Variants in RYK observed in about 807,000 individuals in gnomAD.
The protein encoded by RYK is inactive tyrosine-protein kinase RYK.
Under a neutral mutation model 70.2 loss-of-function variants are expected in RYK, and 21 were observed. The observed-to-expected ratio is 0.30, with a 90% confidence interval of 0.21 to 0.43. RYK has a LOEUF of 0.43. Ranked by LOEUF, RYK falls within the 20% of genes least tolerant of loss-of-function variation. RYK has a pLI of 1.00. For synonymous variants in RYK, 267 were observed against 278.0 expected (o/e 0.96, Z 0.39); for missense variants, 604 against 753.3 (o/e 0.80, Z 2.32).
At chr3:134,246,484 C>T (rs955306948) in intron 1 of RYK, among the ~76,000 whole-genome samples, 4 of 150,978 alleles carry the variant, frequency 2.6e-5, no homozygotes, top group African/African-American at 9.7e-5. Context: ...AACCAACCAA[C>T]CAACCACACA....
At chr3:134,182,170 G>C (rs2013318435) in intron 10 of RYK, among the ~76,000 whole-genome samples, 1 of 150,820 alleles carries the variant, frequency 6.6e-6, no homozygotes. Flanking sequence ...AAAAAAAAAA[G>C]GTCTTCATAT....
At chr3:134,222,629 T>C in intron 1 of RYK, 90 bp from the exon 2 acceptor site, 1 of 1,126,724 alleles carries the variant, frequency 8.9e-7, no homozygotes, top group Non-Finnish European at 1.3e-6. Context: ...AGAGTGAAGA[T>C]AATATTGATA....
At chr3:134,208,660 T>G (rs1002226580) in intron 4 of RYK, among the ~76,000 whole-genome samples, 1 of 152,190 alleles carries the variant, frequency 6.6e-6, no homozygotes, top group African/African-American at 2.4e-5. Context: ...TTCATAACAC[T>G]CAGCACTGAT....
At chr3:134,178,284 C>T (rs957569928) in intron 10 of RYK, 5 of 411,072 alleles carry the variant, frequency 1.2e-5, no homozygotes, top group Non-Finnish European at 2.1e-5. Flanking sequence ...TATGCACATT[C>T]TTGGTAGGGA....
intron 1 of RYK, among the ~76,000 whole-genome samples, chr3:134,239,265 T>G (rs1049286046): frequency 1.3e-5 from 2 of 151,972 alleles, no homozygotes; most frequent in African/African-American, 4.8e-5. Context: ...TTTCAGACCA[T>G]CCTGGGCAGC....
intron 2 of RYK, among the ~76,000 whole-genome samples, chr3:134,221,283 C>A (rs2107684856): frequency 7.2e-6 from 1 of 138,346 alleles, no homozygotes; most frequent in African/African-American, 2.8e-5. Flanking sequence ...CGGCTCACTG[C>A]AACCTCCGCC....
At chr3:134,237,640 G>A (rs1388163362) in intron 1 of RYK, among the ~76,000 whole-genome samples, 1 of 152,200 alleles carries the variant, frequency 6.6e-6, no homozygotes, top group Non-Finnish European at 1.5e-5. Context: ...CCAGTAGGTA[G>A]CTGAATGACC....
chr3:134,209,593 A>C, intron 4 of RYK, 102 bp downstream of exon 4: 1 of 834,036 alleles, frequency 1.2e-6, no homozygotes, highest in Non-Finnish European at 1.7e-6. Context: ...TTGCAACTAT[A>C]ATCATGAGTT....
chr3:134,177,741 G>A (rs557915162), intron 11 of RYK, among the ~76,000 whole-genome samples, 200 bp downstream of exon 11: 1 of 152,004 alleles, frequency 6.6e-6, no homozygotes, highest in South Asian at 2.1e-4. Flanking sequence ...TTCAGCATCA[G>A]CACAGTGTAA....
At chr3:134,183,149 A>G in intron 9 of RYK, 78 bp from the exon 10 acceptor site, 1 of 785,550 alleles carries the variant, frequency 1.3e-6, no homozygotes, top group Non-Finnish European at 2.0e-6. Flanking sequence ...ATTAGTAAAT[A>G]ATTATCTTGA....
chr3:134,227,974 G>A (rs1015242671), intron 1 of RYK, among the ~76,000 whole-genome samples: 5 of 152,154 alleles, frequency 3.3e-5, no homozygotes, highest in Non-Finnish European at 7.4e-5. Flanking sequence ...TGCCTGGCCT[G>A]ACTTTGGAGG....
At chr3:134,234,158 T>C (rs1447914095) in intron 1 of RYK, among the ~76,000 whole-genome samples, 1 of 152,118 alleles carries the variant, frequency 6.6e-6, no homozygotes, top group Admixed American at 6.5e-5. Flanking sequence ...TAAAGAAATA[T>C]GCATACAGCT....
chr3:134,232,981 C>T (rs927001226), intron 1 of RYK, among the ~76,000 whole-genome samples: 1 of 152,232 alleles, frequency 6.6e-6, no homozygotes, highest in Non-Finnish European at 1.5e-5. Flanking sequence ...AGCACCTGTA[C>T]CCAGGACTCC....
At position 134,172,922 on chromosome 3, in the gene RYK, G is replaced by C. The variant is rs1350457183; in HGVS notation, c.1575+2687C>G. 2.6e-5 allele frequency among the ~76,000 whole-genome samples: 4 copies of C among 152,130 alleles called. No homozygotes were observed. The East Asian group carries it at 7.7e-4, about 29-fold the overall frequency. On this transcript the variant is annotated intron_variant, in intron 13 of 14. Transcript: ENST00000623711. ...GCCCGATGCCTCTCTGGCTAGGAGA[G>C]GCTGTGGACAACATGAAACAGGTTG...
chr3:134,246,288 C>T (rs1002926921), intron 1 of RYK, among the ~76,000 whole-genome samples: 2 of 138,644 alleles, frequency 1.4e-5, no homozygotes, highest in Non-Finnish European at 3.0e-5. Flanking sequence ...AACCAACAGA[C>T]ATCTCAGAAA....
chr3:134,232,169 CTT>C (rs1221032181), intron 1 of RYK, among the ~76,000 whole-genome samples: 2 of 152,228 alleles, frequency 1.3e-5, no homozygotes, highest in Non-Finnish European at 2.9e-5. Flanking sequence ...CTATAATCCT[CTT>C]GTTTCTCCCA....
rs144475166 is a variant in RYK at position 134,172,233 on chromosome 3, CA to C, written c.1575+3375del. The stretch of plus-strand genomic sequence containing the variant: ...TAAATCAACTACGGAATAAAATTTT[CA>C]AAGTAAACACTAAGAAAAGTTTACT... On this transcript the variant is annotated intron_variant, in intron 13 of 14. Transcript: ENST00000623711. Among the ~76,000 whole-genome samples, 917 of 152,222 alleles carry C rather than the reference CA, an allele frequency of 6.0e-3. 12 individuals are homozygous for C. Among genetic ancestry groups the C allele is most frequent in the African/African-American group, 0.021 (876 of 41,540 alleles).
intron 1 of RYK, among the ~76,000 whole-genome samples, chr3:134,238,613 A>G (rs2015247132): frequency 6.6e-6 from 1 of 152,198 alleles, no homozygotes; most frequent in Non-Finnish European, 1.5e-5. Flanking sequence ...ATCTGCAGGC[A>G]CTAACTTTTC....
chr3:134,228,040 A>G (rs2014956691), intron 1 of RYK, among the ~76,000 whole-genome samples: 1 of 152,154 alleles, frequency 6.6e-6, no homozygotes, highest in Non-Finnish European at 1.5e-5. Context: ...CAATAATCCC[A>G]GTGTGTGGGA....
Sources: allele counts gnomAD v4.1 joint callset (sites outside exome capture counted in the v4.1 genomes callset), GRCh38; gene constraint gnomAD v4.1.1; transcripts MANE v1.5; gene names NCBI Gene and HGNC (gene_info 2026-07-23, HGNC 2026-07-21).